CAMK2G: variants seen among roughly 807,000 people sequenced by gnomAD.
CAMK2G encodes the protein calcium/calmodulin-dependent protein kinase type II subunit gamma.
Under a neutral mutation model 88.7 loss-of-function variants are expected in CAMK2G, and 23 were observed. The observed-to-expected ratio is 0.26, with a 90% CI of 0.19 to 0.37. The LOEUF is 0.37. Ranked by LOEUF, CAMK2G falls within the 10% of genes least tolerant of loss-of-function variation. CAMK2G has a pLI of 1.00. For synonymous variants in CAMK2G, 263 were observed against 294.8 expected (o/e 0.89, Z 1.11); for missense variants, 476 against 780.8 (o/e 0.61, Z 4.65).
intron 5 of CAMK2G, among the ~76,000 whole-genome samples, chr10:73,849,663 G>A (rs1439673833): frequency 2.6e-5 from 4 of 152,220 alleles, no homozygotes; most frequent in Admixed American, 2.0e-4. Context: ...GAAGAAGAGA[G>A]CATCCAATCC....
Position 73,872,861 on chromosome 10 carries a change from A to T in CAMK2G, c.160+128T>A. 3 of 743,082 alleles carry T rather than the reference A, an allele frequency of 4.0e-6. No homozygotes were observed. The Admixed American group carries it at 5.6e-5, about 14-fold the overall frequency. 46.0% of individuals were successfully genotyped at this position (743,082 alleles called of 1,614,324 possible). A position where few individuals can be genotyped will look rare whatever the true frequency, so the allele number is the denominator to read the frequency against. On this transcript the variant is annotated intron_variant, in intron 2 of 22. Transcript: ENST00000423381. ...TGGCTTCAGCCTGACACAAAGTCCA[A>T]CCAGTCTGAAATTCCAACTCCTCTC...
chr10:73,825,442 G>C, intron 15 of CAMK2G, 95 bp from the exon 16 acceptor site: 1 of 924,024 alleles, frequency 1.1e-6, no homozygotes, highest in South Asian at 1.3e-5. Context: ...GTCTGGCCTG[G>C]AGGAGGTAGG....
At chr10:73,852,131 A>T in intron 5 of CAMK2G, 123 bp downstream of exon 5, 1 of 740,706 alleles carries the variant, frequency 1.4e-6, no homozygotes, top group South Asian at 1.6e-5. Flanking sequence ...TCCAGACAAG[A>T]GCTATTCTGA....
At chr10:73,844,634 C>T (rs535169434) in intron 10 of CAMK2G, among the ~76,000 whole-genome samples, 12 of 152,092 alleles carry the variant, frequency 7.9e-5, no homozygotes, top group East Asian at 1.9e-4. Flanking sequence ...GTCTTGAACT[C>T]GTGGCCTCAA....
chr10:73,840,313 C>T (rs1028877834), intron 12 of CAMK2G, among the ~76,000 whole-genome samples: 3 of 152,204 alleles, frequency 2.0e-5, no homozygotes, highest in East Asian at 1.9e-4. Flanking sequence ...GGCCCCGATT[C>T]GCTGTTAGCC....
chr10:73,854,469 G>A (rs755807451), intron 3 of CAMK2G, among the ~76,000 whole-genome samples: 3 of 152,110 alleles, frequency 2.0e-5, no homozygotes, highest in Admixed American at 6.5e-5. Context: ...CTCCCCTCAC[G>A]TGAACTCTCT....
At chr10:73,825,188 A>G in intron 16 of CAMK2G, 91 bp downstream of exon 16, 1 of 896,094 alleles carries the variant, frequency 1.1e-6, no homozygotes, top group Non-Finnish European at 1.9e-6. Context: ...GGAACAGGCC[A>G]GGAGGCCAGG....
intron 10 of CAMK2G, among the ~76,000 whole-genome samples, chr10:73,844,317 C>T (rs1318827394): frequency 6.6e-6 from 1 of 151,614 alleles, no homozygotes; most frequent in Non-Finnish European, 1.5e-5. Flanking sequence ...TCTCAAACTT[C>T]CGGGCTCAAG....
rs547300331 is a variant in CAMK2G, at chr10:73,833,584, T to C, written c.1053+3884A>G. ...TTTTCAGGTTGTCAGTTTATTTTCTTTGATCATCTATCTTCCTTTTTTTTT... is the reference window on the plus strand; with the variant it reads ...TTTTCAGGTTGTCAGTTTATTTTCTCTGATCATCTATCTTCCTTTTTTTTT... On this transcript the variant is annotated intron_variant, in intron 14 of 22. Transcript: ENST00000423381. Among the ~76,000 whole-genome samples, 47 of 144,838 alleles carry C rather than the reference T, an allele frequency of 3.2e-4. No homozygotes were observed. In the South Asian group the frequency reaches 6.6e-3, roughly 20 times the overall value.
intron 2 of CAMK2G, among the ~76,000 whole-genome samples, chr10:73,865,834 C>G (rs940937563): frequency 6.6e-6 from 1 of 152,118 alleles, no homozygotes; most frequent in South Asian, 2.1e-4. Flanking sequence ...CCCTCCTCCA[C>G]GCACCTTTCT....
intron 14 of CAMK2G, among the ~76,000 whole-genome samples, chr10:73,834,320 T>C (rs1265038659): frequency 6.6e-6 from 1 of 152,226 alleles, no homozygotes; most frequent in African/African-American, 2.4e-5. Flanking sequence ...GGCCTTTTAA[T>C]TTTGGGTGAT....
chr10:73,843,592 T>C (rs1197787632), intron 10 of CAMK2G, among the ~76,000 whole-genome samples: 1 of 152,132 alleles, frequency 6.6e-6, no homozygotes, highest in Non-Finnish European at 1.5e-5. Flanking sequence ...TCCCCCATTC[T>C]TGGGTGCCTG....
intron 14 of CAMK2G, among the ~76,000 whole-genome samples, chr10:73,832,580 C>T (rs190999011): frequency 1.3e-5 from 2 of 152,336 alleles, no homozygotes; most frequent in East Asian, 3.9e-4. Flanking sequence ...GCTGGGATTA[C>T]AGGCGTGAGC....
chr10:73,835,006 T>TC lies in CAMK2G; in HGVS notation c.1053+2461dup, dbSNP rs542670371. On this transcript the variant is annotated intron_variant, in intron 14 of 22. Coordinates refer to ENST00000423381, the MANE Select transcript of CAMK2G (RefSeq NM_001367534.1). ...CATGCTGTTTCAACCTCGTGTATCT[T>TC]CACATGCGCTCTTCCCTCTGCCTGG... Among the ~76,000 whole-genome samples the TC allele has an allele frequency of 2.5e-3, 379 of 152,302 alleles. 1 individual carries two copies. Among genetic ancestry groups the TC allele is most frequent in the African/African-American group, 8.5e-3 (353 of 41,556 alleles).
Position 73,839,405 on chromosome 10 carries a change from G to T in CAMK2G, c.1009+134C>A. The T allele has an allele frequency of 2.3e-6, 1 of 435,446 alleles. No individual in the cohort carries two copies. Among genetic ancestry groups the T allele is most frequent in the Non-Finnish European group, 3.8e-6 (1 of 260,864 alleles). The allele number at this position is 435,446 out of a possible 1,614,324, so 27.0% of individuals were successfully genotyped here. ...GCGCTTGCAGATGCCAAGTTAGGTA[G>T]TCTGTCTGGCATGCCCATCTCAGCC... is the stretch of plus-strand genomic sequence containing the variant. On this transcript the variant is annotated intron_variant, in intron 13 of 22. Coordinates refer to ENST00000423381, the MANE Select transcript of CAMK2G (RefSeq NM_001367534.1). The surrounding 1 kb of genome is among the most constrained non-coding windows in gnomAD (Gnocchi z 4.2).
chr10:73,843,478 A>G (rs1421871743), intron 10 of CAMK2G, among the ~76,000 whole-genome samples: 2 of 152,306 alleles, frequency 1.3e-5, no homozygotes, highest in East Asian at 1.9e-4. Flanking sequence ...TGTCAATACC[A>G]GCATCATTAT....
At chr10:73,868,877 C>T (rs1443896875) in intron 2 of CAMK2G, among the ~76,000 whole-genome samples, 3 of 152,200 alleles carry the variant, frequency 2.0e-5, no homozygotes, top group Non-Finnish European at 4.4e-5. Flanking sequence ...AAGGGACAGC[C>T]TTTACCCTTC....
At chr10:73,862,481 A>G (rs1227780447) in intron 2 of CAMK2G, among the ~76,000 whole-genome samples, 4 of 152,186 alleles carry the variant, frequency 2.6e-5, no homozygotes, top group African/African-American at 9.7e-5. Flanking sequence ...CGCCATAACA[A>G]TCGCTTACTA....
At position 73,842,049 on chromosome 10, in the gene CAMK2G, C is replaced by T. The variant is rs1045666611; in HGVS notation, c.946+120G>A. On this transcript the variant is annotated intron_variant, in intron 12 of 22. Coordinates refer to ENST00000423381, the MANE Select transcript of CAMK2G (RefSeq NM_001367534.1). The surrounding 1 kb of genome is among the most constrained non-coding windows in gnomAD (Gnocchi z 4.6). Reference sequence around the variant, plus strand: ...AGCCCCTCAAAACAGGATCCTCACTCGCCCTGGTCAAGGTGTGGCCCAGGA... The same window carrying T: ...AGCCCCTCAAAACAGGATCCTCACTTGCCCTGGTCAAGGTGTGGCCCAGGA... The T allele has an allele frequency of 1.5e-5, 12 of 790,994 alleles. No individual in the cohort carries two copies. The highest frequency in any genetic ancestry group is 1.4e-4 in the Admixed American group (8 of 56,998). The allele number at this position is 790,994 out of a possible 1,614,324, so 49.0% of individuals were successfully genotyped here. A position where few individuals can be genotyped will look rare whatever the true frequency, so the allele number is the denominator to read the frequency against.
Sources: allele counts gnomAD v4.1 joint callset (sites outside exome capture counted in the v4.1 genomes callset), GRCh38; gene constraint gnomAD v4.1.1; non-coding constraint Gnocchi (gnomAD v3.1); transcripts MANE v1.5; gene names NCBI Gene and HGNC (gene_info 2026-07-23, HGNC 2026-07-21).